PCDHAC1: variants seen among roughly 807,000 people sequenced by gnomAD.
The protein encoded by PCDHAC1 is protocadherin alpha subfamily C, 1, also known as protocadherin alpha-C1.
Under a neutral mutation model 60.0 loss-of-function variants are expected in PCDHAC1, and 42 were observed. The observed-to-expected ratio is 0.70, with a 90% CI of 0.55 to 0.90. PCDHAC1 has a LOEUF of 0.90. PCDHAC1 is among the 40% of genes least tolerant of loss of function. PCDHAC1 has a pLI of 0.00. For synonymous variants in PCDHAC1, 468 were observed against 499.3 expected, an observed-to-expected ratio of 0.94 and a Z score of 0.84; for missense variants, 1,160 against 1,222.3, an observed-to-expected ratio of 0.95 and a Z score of 0.76.
At chr5:140,976,718 C>A (rs2096728735) in intron 1 of PCDHAC1, among the ~76,000 whole-genome samples, 1 of 152,096 alleles carries the variant, frequency 6.6e-6, no homozygotes, top group South Asian at 2.1e-4. Context: ...CATTATAGTT[C>A]ATTTATTTAA....
intron 3 of PCDHAC1, among the ~76,000 whole-genome samples, chr5:140,999,223 G>A (rs1554256702): frequency 3.3e-5 from 5 of 152,316 alleles, no homozygotes; most frequent in African/African-American, 1.2e-4. Flanking sequence ...TACTACATTT[G>A]AGAATAGGTG....
chr5:140,937,933 A>C (rs1452935525), intron 1 of PCDHAC1, among the ~76,000 whole-genome samples: 1 of 151,854 alleles, frequency 6.6e-6, no homozygotes, highest in Non-Finnish European at 1.5e-5. Flanking sequence ...AAAAAGTTTA[A>C]TTTGATAATT....
intron 1 of PCDHAC1, chr5:140,967,458 A>T (rs1042156831): frequency 6.2e-7 from 1 of 1,613,546 alleles, no homozygotes; most frequent in Non-Finnish European, 8.5e-7. Flanking sequence ...ACAGCCGTGG[A>T]TGGGGGCATC....
At chr5:141,007,613 T>C (rs1351675120) in intron 3 of PCDHAC1, among the ~76,000 whole-genome samples, 1 of 152,056 alleles carries the variant, frequency 6.6e-6, no homozygotes, top group Non-Finnish European at 1.5e-5. Context: ...GAAGCAGATA[T>C]AGGAGAGGTC....
intron 3 of PCDHAC1, among the ~76,000 whole-genome samples, chr5:141,007,475 C>G (rs575810038): frequency 1.3e-5 from 2 of 151,322 alleles, no homozygotes; most frequent in Non-Finnish European, 2.9e-5. Context: ...GGCTGAGGCA[C>G]GAGAATTACT....
intron 1 of PCDHAC1, chr5:140,966,543 A>C (rs200134570): frequency 6.5e-6 from 3 of 461,074 alleles, no homozygotes; most frequent in Admixed American, 4.3e-5. Context: ...AGCGACTCGG[A>C]GGCGAGCGGA....
chr5:140,936,846 T>C (rs1385625641), intron 1 of PCDHAC1, among the ~76,000 whole-genome samples: 1 of 152,206 alleles, frequency 6.6e-6, no homozygotes, highest in Non-Finnish European at 1.5e-5. Context: ...AATTGTAGAT[T>C]CAGCTTCTCA....
At chr5:141,000,430 T>A (rs1295455270) in intron 3 of PCDHAC1, among the ~76,000 whole-genome samples, 2 of 126,420 alleles carry the variant, frequency 1.6e-5, no homozygotes, top group African/African-American at 6.1e-5. Context: ...TATTTTTTTT[T>A]TTTTTTTTTT....
intron 1 of PCDHAC1, among the ~76,000 whole-genome samples, chr5:140,964,573 G>A (rs191009049): frequency 3.0e-4 from 45 of 152,274 alleles, no homozygotes; most frequent in African/African-American, 1.9e-4. Flanking sequence ...GAGGAGATAA[G>A]GGGAGGAAAG....
At position 140,929,318 on chromosome 5, in the gene PCDHAC1, A is replaced by G. The variant is rs78197291; in HGVS notation, c.2426A>G (p.Asn809Ser). The G allele has an allele frequency of 3.9e-4, 606 of 1,545,240 alleles. 3 individuals carry two copies. The African/African-American group carries it at 7.7e-3, about 20-fold the overall frequency. ...AGGAAAGGGGATCACGCTAATGTCA[A>G]TGCCATGGTAAGCAAATTTTATGGA... ...RNRKGDHANV[N>S]AMPRQPNPDW... is the part of the protein sequence containing the mutation. The change falls in exon 1 of 4, where the codon AAT becomes AGT. Residue 809 changes from asparagine (N) to serine (S), a missense_variant. Physicochemically the swap from Asn to Ser is conservative, Grantham distance 46. Around this residue, in one of 3 missense-constraint regions of PCDHAC1, gnomAD observed 1,113 missense variants for 1,163.7 expected, o/e 0.96. Coordinates refer to ENST00000253807, the MANE Select transcript of PCDHAC1 (RefSeq NM_018898.5).
intron 3 of PCDHAC1, among the ~76,000 whole-genome samples, chr5:141,008,574 A>G (rs1554261815): frequency 1.3e-5 from 2 of 152,164 alleles, no homozygotes; most frequent in Admixed American, 1.3e-4. Context: ...TCATTTTCCC[A>G]AGACTCAGGG....
chr5:140,935,561 T>C (rs1184981109), intron 1 of PCDHAC1, among the ~76,000 whole-genome samples: 3 of 152,218 alleles, frequency 2.0e-5, no homozygotes, highest in African/African-American at 7.2e-5. Context: ...TTGGAAAAGT[T>C]CCTCTCTGTG....
intron 1 of PCDHAC1, chr5:140,966,538 C>G: frequency 2.2e-6 from 1 of 463,262 alleles, no homozygotes; most frequent in Non-Finnish European, 3.7e-6. Flanking sequence ...GGTTGAGCGA[C>G]TCGGAGGCGA....
At position 140,928,807 on chromosome 5, in the gene PCDHAC1, C is replaced by T. The variant is rs782261335; in HGVS notation, c.1915C>T (p.Arg639Trp). 6.2e-6 allele frequency: 10 copies of T among 1,614,094 alleles called. No homozygotes were observed. Among genetic ancestry groups the T allele is most frequent in the Non-Finnish European group, 8.5e-6 (10 of 1,180,020 alleles). The change falls in exon 1 of 4, where the codon CGG (arginine) becomes TGG (tryptophan). Residue 639 changes from arginine to tryptophan, a missense_variant. Coordinates refer to ENST00000253807, the MANE Select transcript of PCDHAC1 (RefSeq NM_018898.5). ...TAAGCAGAGGGTGGTGGTAGTGGTT[C>T]GGGACCATGGAGACCCACCACTTTC... ...AVKQRVVVVVRDHGDPPLSSS... is the reference protein window; with the variant it reads ...AVKQRVVVVVWDHGDPPLSSS...
At chr5:140,937,067 T>C (rs2091302961) in intron 1 of PCDHAC1, among the ~76,000 whole-genome samples, 1 of 148,650 alleles carries the variant, frequency 6.7e-6, no homozygotes, top group South Asian at 2.1e-4. Flanking sequence ...AGACGGAGTC[T>C]CGCTCTGTCG....
intron 3 of PCDHAC1, among the ~76,000 whole-genome samples, chr5:140,987,213 CA>C (rs58319157): frequency 0.029 from 3,412 of 118,662 alleles, 64 homozygotes; most frequent in African/African-American, 0.058. Flanking sequence ...GACTCCATCT[CA>C]AAAAAAAAAA....
intron 3 of PCDHAC1, among the ~76,000 whole-genome samples, chr5:141,008,578 C>T (rs1185736158): frequency 6.6e-6 from 1 of 152,202 alleles, no homozygotes; most frequent in Non-Finnish European, 1.5e-5. Context: ...TTTCCCAAGA[C>T]TCAGGGCAGA....
chr5:140,970,400 C>T (rs1586425210), intron 1 of PCDHAC1, among the ~76,000 whole-genome samples: 1 of 152,162 alleles, frequency 6.6e-6, no homozygotes, highest in Non-Finnish European at 1.5e-5. Context: ...AAGTGGATGG[C>T]TTACCCTACA....
At chr5:140,930,712 A>T (rs1584689351) in intron 1 of PCDHAC1, among the ~76,000 whole-genome samples, 1 of 152,234 alleles carries the variant, frequency 6.6e-6, no homozygotes, top group Non-Finnish European at 1.5e-5. Flanking sequence ...ATTCTTCCTC[A>T]AGTAATGATG....
Sources: allele counts gnomAD v4.1 joint callset (sites outside exome capture counted in the v4.1 genomes callset), GRCh38; gene constraint gnomAD v4.1.1; regional missense constraint gnomAD v4.1.1; transcripts MANE v1.5; gene names NCBI Gene and HGNC (gene_info 2026-07-23, HGNC 2026-07-21).